The following RAB7B variants were observed in gnomAD, a reference collection of about 807,000 sequenced individuals.
The protein encoded by RAB7B is ras-related protein Rab-7b.
intron 1 of RAB7B, among the ~76,000 whole-genome samples, chr1:206,002,271 A>C (rs895822766): frequency 3.9e-5 from 6 of 152,160 alleles, no homozygotes. Context: ...CCCTCTGGGA[A>C]GTGTACCTAC....
At chr1:205,996,143 A>AGTGT (rs1182397777) in intron 1 of RAB7B, among the ~76,000 whole-genome samples, 18,835 of 142,550 alleles carry the variant, frequency 0.13, 1,198 homozygotes, top group Non-Finnish European at 0.15. Context: ...GTAAATGTAT[A>AGTGT]GTGTGTGTGT....
rs1017922059 is a variant in RAB7B, at chr1:205,987,050, C to G, written c.397-1385G>C. On this transcript the variant is annotated intron_variant, in intron 4 of 5. Transcript: ENST00000617070. Reference sequence around the variant, plus strand: ...TTTTAATCTCATTTTTCCCTGCTCTCTGTTTGGTTTGGAATGATTGCATAC... The same window carrying G: ...TTTTAATCTCATTTTTCCCTGCTCTGTGTTTGGTTTGGAATGATTGCATAC... 3.9e-5 allele frequency among the ~76,000 whole-genome samples: 6 copies of G among 152,164 alleles called. 1 individual carries two copies. The highest frequency in any genetic ancestry group is 1.3e-4 in the Admixed American group (2 of 15,286).
chr1:205,992,268 T>G (rs1454586927), intron 4 of RAB7B, among the ~76,000 whole-genome samples: 2 of 152,226 alleles, frequency 1.3e-5, no homozygotes, highest in African/African-American at 4.8e-5. Flanking sequence ...CCAAGGTATA[T>G]CTCTATTATT....
At position 205,992,555 on chromosome 1, in the gene RAB7B, C is replaced by T. The variant is rs1250077760; in HGVS notation, c.321G>A (p.Leu107=). Residue 107 remains leucine, a synonymous_variant, in exon 4 of 6, where the codon CTG becomes CTA. Transcript: ENST00000617070. ...EALDIWRGDV[L]AKIVPMEQSY... is the part of the protein sequence containing the mutation. ...ACTGCTCCATGGGGACAATCTTGGC[C>T]AGGACATCACCCCGCCAGATATCCA... 5.0e-6 allele frequency: 2 copies of T among 398,580 alleles called. No homozygotes were observed. The highest frequency in any genetic ancestry group is 8.8e-6 in the Non-Finnish European group (2 of 226,108). The allele number at this position is 398,580 out of a possible 1,614,324, so 24.7% of individuals were successfully genotyped here.
chr1:205,986,717 T>C (rs1660615068), intron 4 of RAB7B, among the ~76,000 whole-genome samples: 1 of 152,188 alleles, frequency 6.6e-6, no homozygotes, highest in Non-Finnish European at 1.5e-5. Context: ...TGATGTCTAA[T>C]TATTTGGGGA....
At chr1:205,987,891 C>G (rs1660640871) in intron 4 of RAB7B, among the ~76,000 whole-genome samples, 1 of 151,980 alleles carries the variant, frequency 6.6e-6, no homozygotes, top group Non-Finnish European at 1.5e-5. Context: ...AAATTAAACA[C>G]TTTTTAAAAA....
intron 4 of RAB7B, among the ~76,000 whole-genome samples, chr1:205,990,681 G>A (rs1170893712): frequency 2.0e-5 from 3 of 152,224 alleles, no homozygotes; most frequent in Admixed American, 6.5e-5. Flanking sequence ...GAGGTACAGC[G>A]AAATGTTCCC....
chr1:205,997,676 C>T (rs1317885654), intron 1 of RAB7B, among the ~76,000 whole-genome samples: 1 of 152,208 alleles, frequency 6.6e-6, no homozygotes, highest in Non-Finnish European at 1.5e-5. Flanking sequence ...CTGCTGTCCA[C>T]GAGGGAAATC....
rs1660386980 is a variant in RAB7B, at chr1:205,976,921, GGAGCTCTGAAGGACACAGATA to G, written c.*1909_*1929del. Reference sequence around the variant, plus strand: ...CCATGAGGGCGCATCATGTTTCCCAGGAGCTCTGAAGGACACAGATAGAGCTTGTGCTCTAGGCTGCCCCCC... The same window carrying G: ...CCATGAGGGCGCATCATGTTTCCCAGGAGCTTGTGCTCTAGGCTGCCCCCC... On this transcript the variant is annotated 3_prime_UTR_variant, in exon 6 of 6. Transcript: ENST00000617070. The G allele has an allele frequency of 6.6e-6, 1 of 152,146 alleles. No homozygotes were observed. Among genetic ancestry groups the G allele is most frequent in the Non-Finnish European group, 1.5e-5 (1 of 68,016 alleles). The allele number at this position is 152,146 out of a possible 1,614,324, so 9.4% of individuals were successfully genotyped here. A position where few individuals can be genotyped will look rare whatever the true frequency, so the allele number is the denominator to read the frequency against.
At chr1:205,988,322 G>C (rs974766211) in intron 4 of RAB7B, among the ~76,000 whole-genome samples, 1 of 147,272 alleles carries the variant, frequency 6.8e-6, no homozygotes, top group Admixed American at 6.9e-5. Context: ...TCTCCCTCCC[G>C]TGTTCAAGCG....
chr1:205,984,410 G>A (rs975206152), intron 5 of RAB7B, among the ~76,000 whole-genome samples: 7 of 152,268 alleles, frequency 4.6e-5, no homozygotes, highest in African/African-American at 1.4e-4. Flanking sequence ...TGAGGGCGGC[G>A]GATGCTTCCA....
intron 5 of RAB7B, among the ~76,000 whole-genome samples, chr1:205,984,448 C>G (rs921131654): frequency 1.3e-5 from 2 of 152,224 alleles, no homozygotes; most frequent in Non-Finnish European, 2.9e-5. Flanking sequence ...GTCCCCCACC[C>G]TCATTTGCCC....
intron 1 of RAB7B, among the ~76,000 whole-genome samples, chr1:206,002,883 G>A (rs1482084027): frequency 6.6e-6 from 1 of 152,214 alleles, no homozygotes. Context: ...AATGTCACAA[G>A]GGGACTCTGG....
intron 4 of RAB7B, among the ~76,000 whole-genome samples, 192 bp downstream of exon 4, chr1:205,992,288 G>T (rs1425773571): frequency 1.3e-5 from 2 of 152,202 alleles, no homozygotes; most frequent in Admixed American, 1.3e-4. Flanking sequence ...TTCATTTACC[G>T]TATTGTACCA....
At chr1:205,985,464 T>C in intron 5 of RAB7B, 76 bp downstream of exon 5, 1 of 398,012 alleles carries the variant, frequency 2.5e-6, no homozygotes, top group East Asian at 3.6e-5. Context: ...ACCCAAGATG[T>C]TCTTCTCTGG....
intron 4 of RAB7B, among the ~76,000 whole-genome samples, chr1:205,990,477 C>T (rs1660701754): frequency 6.6e-6 from 1 of 152,176 alleles, no homozygotes. Flanking sequence ...CTACCCTTGT[C>T]CCCCAGTGGA....
chr1:205,998,973 A>G (rs1660850082), intron 1 of RAB7B, among the ~76,000 whole-genome samples: 1 of 152,238 alleles, frequency 6.6e-6, no homozygotes. Context: ...TAAGCAGTTC[A>G]GCCTTAAAGA....
intron 1 of RAB7B, among the ~76,000 whole-genome samples, chr1:205,996,950 G>A (rs1437414273): frequency 6.6e-6 from 1 of 152,092 alleles, no homozygotes; most frequent in Non-Finnish European, 1.5e-5. Flanking sequence ...CTCCCACAAG[G>A]TCTCTTCCCC....
At chr1:206,002,253 G>T (rs1350767583) in intron 1 of RAB7B, among the ~76,000 whole-genome samples, 1 of 152,192 alleles carries the variant, frequency 6.6e-6, no homozygotes, top group Non-Finnish European at 1.5e-5. Context: ...AGCAGGTCTA[G>T]ACCTGCTCCC....
Sources: allele counts gnomAD v4.1 joint callset (sites outside exome capture counted in the v4.1 genomes callset), GRCh38; gene constraint gnomAD v4.1.1; transcripts MANE v1.5; gene names NCBI Gene and HGNC (gene_info 2026-07-23, HGNC 2026-07-21).